SLC16A12: variants seen among roughly 807,000 people sequenced by gnomAD.
The protein encoded by SLC16A12 is solute carrier family 16 member 12.
Under a neutral mutation model 42.4 loss-of-function variants are expected in SLC16A12, and 17 were observed. That is an observed-to-expected ratio of 0.40 (90% CI 0.27 to 0.60). SLC16A12 has a LOEUF of 0.60. Ranked by LOEUF, SLC16A12 falls within the 20% of genes least tolerant of loss-of-function variation. The pLI is 0.42. For synonymous variants in SLC16A12, 224 were observed against 229.4 expected (o/e 0.98, Z 0.21); for missense variants, 544 against 623.0 (o/e 0.87, Z 1.35).
intron 5 of SLC16A12, among the ~76,000 whole-genome samples, chr10:89,439,908 CA>C (rs960701137): frequency 1.2e-4 from 17 of 146,888 alleles, no homozygotes; most frequent in South Asian, 2.2e-4. Context: ...CCCATCTCTG[CA>C]AAAAAAAATA....
chr10:89,525,463 T>A (rs1353589046), intron 2 of SLC16A12, among the ~76,000 whole-genome samples: 1 of 152,090 alleles, frequency 6.6e-6, no homozygotes, highest in African/African-American at 2.4e-5. Flanking sequence ...TTTTTGGATA[T>A]GGAAGATAAC....
rs1345891022 is a variant in SLC16A12 at position 89,500,073 on chromosome 10, A to C, written c.-47+34428T>G. On this transcript the variant is annotated intron_variant, in intron 2 of 7. Coordinates refer to ENST00000371790, the MANE Select transcript of SLC16A12 (RefSeq NM_213606.4). ...AGGAGATGGATAAATTCCTGGAAAG[A>C]TACAACCTCCTAGCTCAAAGCAGGA... is the stretch of plus-strand genomic sequence containing the variant. 2.0e-5 allele frequency among the ~76,000 whole-genome samples: 3 copies of C among 152,198 alleles called. No homozygotes were observed. The South Asian group carries it at 6.2e-4, about 31-fold the overall frequency.
intron 2 of SLC16A12, among the ~76,000 whole-genome samples, chr10:89,464,173 A>G (rs72816714): frequency 0.067 from 10,249 of 152,266 alleles, 494 homozygotes; most frequent in East Asian, 0.21. Context: ...AGAAACATGA[A>G]GATCTCAGGG....
intron 2 of SLC16A12, among the ~76,000 whole-genome samples, chr10:89,483,887 C>T (rs1480886022): frequency 6.6e-6 from 1 of 152,060 alleles, no homozygotes; most frequent in Non-Finnish European, 1.5e-5. Flanking sequence ...CCCTCTGATA[C>T]ATGTATTATA....
intron 3 of SLC16A12, among the ~76,000 whole-genome samples, chr10:89,447,481 A>G (rs913996532): frequency 6.6e-6 from 1 of 152,232 alleles, no homozygotes; most frequent in Non-Finnish European, 1.5e-5. Flanking sequence ...CTACATGGAA[A>G]CTGAACAACC....
chr10:89,459,026 A>C (rs1273713464), intron 3 of SLC16A12, among the ~76,000 whole-genome samples: 1 of 152,258 alleles, frequency 6.6e-6, no homozygotes, highest in Non-Finnish European at 1.5e-5. Context: ...CACTGTGAAA[A>C]GTAAGGAGAA....
chr10:89,458,069 T>C lies in SLC16A12; in HGVS notation c.200+4310A>G, dbSNP rs1467513454. Among the ~76,000 whole-genome samples the C allele has an allele frequency of 7.2e-5, 11 of 152,326 alleles. 1 individual carries two copies. The highest frequency in any genetic ancestry group is 7.2e-4 in the Admixed American group (11 of 15,296). Reference sequence around the variant, plus strand: ...TTTGTAGATAGGAGCATAACATAGATGTTCTTTTTCAGACAGAGGGATTGG... The same window carrying C: ...TTTGTAGATAGGAGCATAACATAGACGTTCTTTTTCAGACAGAGGGATTGG... On this transcript the variant is annotated intron_variant, in intron 3 of 7. Coordinates refer to ENST00000371790, the MANE Select transcript of SLC16A12 (RefSeq NM_213606.4).
chr10:89,494,054 C>A (rs1489526747), intron 2 of SLC16A12, among the ~76,000 whole-genome samples: 1 of 152,198 alleles, frequency 6.6e-6, no homozygotes, highest in African/African-American at 2.4e-5. Context: ...TAATCCCCCA[C>A]GCTATATTTC....
chr10:89,551,536 G>C (rs892343535), intron 2 of SLC16A12, among the ~76,000 whole-genome samples: 3 of 152,196 alleles, frequency 2.0e-5, no homozygotes, highest in Non-Finnish European at 4.4e-5. Flanking sequence ...CCATAAAGCT[G>C]ATATAGTTTG....
intron 2 of SLC16A12, among the ~76,000 whole-genome samples, chr10:89,486,607 G>T (rs201674869): frequency 1.0e-3 from 24 of 23,930 alleles, no homozygotes; most frequent in African/African-American, 4.4e-3. Flanking sequence ...AAAAAAAAAA[G>T]AAAGAAAGAA....
intron 2 of SLC16A12, among the ~76,000 whole-genome samples, chr10:89,495,464 G>T (rs1335942921): frequency 2.0e-5 from 3 of 152,092 alleles, no homozygotes; most frequent in Non-Finnish European, 4.4e-5. Flanking sequence ...TAAGAGAAAA[G>T]GTATTAACCC....
intron 2 of SLC16A12, among the ~76,000 whole-genome samples, chr10:89,518,169 GC>G (rs1843287470): frequency 6.6e-6 from 1 of 152,160 alleles, no homozygotes; most frequent in African/African-American, 2.4e-5. Context: ...CCTCCATGAA[GC>G]CCTCCACTGG....
At chr10:89,521,380 T>G (rs1362282605) in intron 2 of SLC16A12, among the ~76,000 whole-genome samples, 1 of 152,238 alleles carries the variant, frequency 6.6e-6, no homozygotes, top group East Asian at 1.9e-4. Context: ...TAGCTCCATA[T>G]CTTCATATGT....
At chr10:89,460,085 T>A (rs1253574169) in intron 3 of SLC16A12, among the ~76,000 whole-genome samples, 1 of 152,166 alleles carries the variant, frequency 6.6e-6, no homozygotes, top group Non-Finnish European at 1.5e-5. Flanking sequence ...CTAAAAGCAC[T>A]ATGGGCAATT....
chr10:89,481,959 C>T (rs1350748874), intron 2 of SLC16A12, among the ~76,000 whole-genome samples: 1 of 151,624 alleles, frequency 6.6e-6, no homozygotes, highest in African/African-American at 2.4e-5. Context: ...TTGTCTTCAC[C>T]GGAAGCTAGG....
In SLC16A12 at chr10:89,433,182, G is replaced by T; in HGVS notation, c.1433C>A (p.Ser478Tyr). 2 of 1,614,174 alleles carry T rather than the reference G, an allele frequency of 1.2e-6. No individual in the cohort carries two copies. The highest frequency in any genetic ancestry group is 1.7e-6 in the Non-Finnish European group (2 of 1,180,026). Residue 478 changes from serine (S) to tyrosine (Y), a missense_variant, in exon 8 of 8, where the codon TCT becomes TAT. Coordinates refer to ENST00000371790, the MANE Select transcript of SLC16A12 (RefSeq NM_213606.4). ...KTQLQFIAKE[S>Y]DPKLQLWTNG... ...GGTCCATAGCTGCAGCTTAGGATCA[G>T]ATTCTTTGGCAATGAACTGCAACTG...
chr10:89,496,622 T>C (rs1404821135), intron 2 of SLC16A12, among the ~76,000 whole-genome samples: 1 of 152,156 alleles, frequency 6.6e-6, no homozygotes, highest in African/African-American at 2.4e-5. Flanking sequence ...TTCACAAAAG[T>C]TGATTTCAGG....
intron 2 of SLC16A12, among the ~76,000 whole-genome samples, chr10:89,528,409 A>G (rs1477226741): frequency 6.6e-6 from 1 of 152,232 alleles, no homozygotes; most frequent in African/African-American, 2.4e-5. Context: ...ATGGTACCAC[A>G]ATCATCAAAA....
chr10:89,439,300 G>A (rs935030547), intron 5 of SLC16A12, 117 bp from the exon 6 acceptor site: 7 of 1,019,958 alleles, frequency 6.9e-6, no homozygotes, highest in Non-Finnish European at 1.0e-5. Flanking sequence ...TTTTAAAGCT[G>A]CTTTTTACAC....
Sources: gnomAD v4.1 joint callset for allele counts (sites outside exome capture counted in the v4.1 genomes callset) on GRCh38, gnomAD v4.1.1 for gene constraint, MANE v1.5 for transcripts, NCBI Gene and HGNC (gene_info 2026-07-23, HGNC 2026-07-21) for gene names.